Variants in CTNNA3 observed in about 807,000 individuals in gnomAD.
CTNNA3 encodes the protein catenin alpha 3.
In CTNNA3, 76 loss-of-function variants were observed where a neutral mutation model predicts 95.7. That is an observed-to-expected ratio of 0.79 (90% CI 0.66 to 0.96). The LOEUF (loss-of-function observed/expected upper bound fraction) is 0.96. Among genes scored for constraint, CTNNA3 ranks in the 40% least tolerant of loss-of-function variants. The pLI, the probability that CTNNA3 is intolerant of heterozygous loss-of-function variation, is 0.00. For synonymous variants in CTNNA3, 431 were observed against 374.4 expected, an observed-to-expected ratio of 1.15 and a Z score of -1.74; for missense variants, 1,191 against 1,089.8, an observed-to-expected ratio of 1.09 and a Z score of -1.31.
intron 7 of CTNNA3, among the ~76,000 whole-genome samples, chr10:66,930,463 T>G (rs1360876651): frequency 6.6e-6 from 1 of 152,134 alleles, no homozygotes; most frequent in Non-Finnish European, 1.5e-5. Flanking sequence ...AAAAAGAAAT[T>G]TTCTTTGGCT....
intron 17 of CTNNA3, among the ~76,000 whole-genome samples, chr10:65,939,408 C>G (rs971936394): frequency 1.3e-5 from 2 of 152,194 alleles, no homozygotes; most frequent in Admixed American, 6.5e-5. Context: ...AGGTCCTCCA[C>G]AGACCCTTTA....
chr10:67,087,810 A>G (rs1672008915), intron 7 of CTNNA3, among the ~76,000 whole-genome samples: 1 of 152,052 alleles, frequency 6.6e-6, no homozygotes, highest in Non-Finnish European at 1.5e-5. Context: ...TTCTTCTCAG[A>G]CTATATTAAC....
At chr10:67,065,254 C>T (rs1856008514) in intron 7 of CTNNA3, among the ~76,000 whole-genome samples, 1 of 152,096 alleles carries the variant, frequency 6.6e-6, no homozygotes, top group African/African-American at 2.4e-5. Context: ...TGCTGTATGG[C>T]CTTGGGCAAC....
Position 67,738,688 on chromosome 10 carries a change from G to GA in CTNNA3, c.-2+24745dup, listed in dbSNP as rs528909894. Among the ~76,000 whole-genome samples the GA allele has an allele frequency of 3.7e-3, 524 of 143,108 alleles. 1 individual carries two copies. Among genetic ancestry groups the GA allele is most frequent in the Non-Finnish European group, 3.9e-3 (257 of 65,092 alleles). The allele number at this position is 143,108 out of a possible 152,430, so 93.9% of individuals were successfully genotyped here. ...CCCATGACAAAGAAGTTAAAACCTT[G>GA]AAAAAAAAAAAATTAGACGAATGGC... On this transcript the variant is annotated intron_variant, in intron 1 of 17. Transcript: ENST00000684154.
intron 1 of CTNNA3, among the ~76,000 whole-genome samples, chr10:67,716,167 C>T (rs1841141692): frequency 6.6e-6 from 1 of 151,916 alleles, no homozygotes. Flanking sequence ...CATGTGTAAA[C>T]CAAGAATTTA....
At chr10:67,434,183 T>C (rs1183188700) in intron 5 of CTNNA3, among the ~76,000 whole-genome samples, 8 of 151,962 alleles carry the variant, frequency 5.3e-5, no homozygotes, top group Non-Finnish European at 1.2e-4. Flanking sequence ...TTGGAATGAG[T>C]CAGACCTTAA....
rs975000604 is a variant in CTNNA3, at chr10:67,743,515, G to A, written c.-2+19919C>T. Among the ~76,000 whole-genome samples, 52 of 151,266 alleles carry A rather than the reference G, an allele frequency of 3.4e-4. 5 individuals are homozygous for A. The highest frequency in any genetic ancestry group is 7.9e-4 in the Admixed American group (12 of 15,124). On this transcript the variant is annotated intron_variant, in intron 1 of 17. Transcript: ENST00000684154. ...TGGGACATATCTCAAAATAATAAGA[G>A]CTATCTATGACAAACCCACAGCCAA...
At chr10:66,503,987 A>T (rs573417273) in intron 11 of CTNNA3, among the ~76,000 whole-genome samples, 99 of 152,312 alleles carry the variant, frequency 6.5e-4, no homozygotes, top group Admixed American at 4.6e-3. Flanking sequence ...AAATATGTAT[A>T]TATTATAGAA....
chr10:67,068,835 A>G (rs1278105596), intron 7 of CTNNA3, among the ~76,000 whole-genome samples: 1 of 152,016 alleles, frequency 6.6e-6, no homozygotes, highest in Admixed American at 6.6e-5. Flanking sequence ...TGAGGCAGGA[A>G]GATCACCTGA....
At chr10:67,751,722 T>C (rs1400900273) in intron 1 of CTNNA3, among the ~76,000 whole-genome samples, 1 of 151,644 alleles carries the variant, frequency 6.6e-6, no homozygotes, top group Non-Finnish European at 1.5e-5. Context: ...CTAGAAGAAA[T>C]TGATAAATTC....
At chr10:66,606,862 G>T (rs1844142259) in intron 10 of CTNNA3, among the ~76,000 whole-genome samples, 1 of 151,982 alleles carries the variant, frequency 6.6e-6, no homozygotes, top group Admixed American at 6.6e-5. Flanking sequence ...ACAACTAAAA[G>T]AAGTAGGGAA....
chr10:66,182,731 A>AT (rs201218681), intron 13 of CTNNA3, among the ~76,000 whole-genome samples: 223 of 128,718 alleles, frequency 1.7e-3, no homozygotes, highest in Middle Eastern at 0.012. Flanking sequence ...AAAAAAGATG[A>AT]TTTTTTTTTA....
intron 14 of CTNNA3, among the ~76,000 whole-genome samples, chr10:66,088,154 C>A (rs1483204748): frequency 6.6e-6 from 1 of 151,800 alleles, no homozygotes; most frequent in African/African-American, 2.4e-5. Context: ...TGGTAGGCTT[C>A]TTTTTCCCTC....
intron 9 of CTNNA3, among the ~76,000 whole-genome samples, chr10:66,707,464 G>C (rs1012894397): frequency 2.6e-5 from 4 of 151,812 alleles, no homozygotes; most frequent in Non-Finnish European, 4.4e-5. Flanking sequence ...CTTACACTCT[G>C]TGTATCATAT....
At chr10:66,796,636 C>T (rs1046466279) in intron 7 of CTNNA3, among the ~76,000 whole-genome samples, 2 of 151,960 alleles carry the variant, frequency 1.3e-5, no homozygotes, top group Non-Finnish European at 2.9e-5. Context: ...TTGTAAAAAC[C>T]ACCATATCTC....
chr10:67,621,161 T>A (rs536437728), intron 2 of CTNNA3, among the ~76,000 whole-genome samples: 1 of 152,144 alleles, frequency 6.6e-6, no homozygotes, highest in South Asian at 2.1e-4. Context: ...GATTCTGATT[T>A]AACTGGTTTT....
At chr10:66,159,025 C>A (rs2084700025) in intron 13 of CTNNA3, among the ~76,000 whole-genome samples, 1 of 151,992 alleles carries the variant, frequency 6.6e-6, no homozygotes, top group African/African-American at 2.4e-5. Flanking sequence ...GGAAACTTTG[C>A]TGAATTCTTG....
intron 10 of CTNNA3, among the ~76,000 whole-genome samples, chr10:66,578,352 T>C (rs1039758366): frequency 1.3e-5 from 2 of 152,002 alleles, no homozygotes; most frequent in Non-Finnish European, 1.5e-5. Flanking sequence ...TCCTTTACTA[T>C]ATTGAATAGG....
At chr10:67,722,844 T>C (rs763969908) in intron 1 of CTNNA3, among the ~76,000 whole-genome samples, 4 of 152,200 alleles carry the variant, frequency 2.6e-5, no homozygotes, top group Non-Finnish European at 5.9e-5. Context: ...GTGAACATAT[T>C]TGCTCAAATA....
Sources: gnomAD v4.1 joint callset for allele counts (sites outside exome capture counted in the v4.1 genomes callset) on GRCh38, gnomAD v4.1.1 for gene constraint, MANE v1.5 for transcripts, NCBI Gene and HGNC (gene_info 2026-07-23, HGNC 2026-07-21) for gene names.